RTN4RL1: variants seen among roughly 807,000 people sequenced by gnomAD.
The protein encoded by RTN4RL1 is reticulon-4 receptor-like 1.
Under a neutral mutation model 25.6 loss-of-function variants are expected in RTN4RL1, and 7 were observed. The observed-to-expected ratio is 0.27, with a 90% CI of 0.16 to 0.51. The LOEUF is 0.51. Among genes scored for constraint, RTN4RL1 ranks in the 20% least tolerant of loss-of-function variants. The pLI, the probability that RTN4RL1 is intolerant of heterozygous loss-of-function variation, is 0.97. For missense variants in RTN4RL1, 500 were observed against 615.6 expected (o/e 0.81, Z 1.99); for synonymous variants, 297 against 288.2 (o/e 1.03, Z -0.31).
At chr17:1,956,583 T>A (rs189123304) in intron 1 of RTN4RL1, among the ~76,000 whole-genome samples, 11 of 152,272 alleles carry the variant, frequency 7.2e-5, no homozygotes, top group Non-Finnish European at 1.5e-4. Context: ...ATGGACAGAC[T>A]GTAATTTATT....
intron 1 of RTN4RL1, among the ~76,000 whole-genome samples, chr17:2,015,646 T>G (rs2067111048): frequency 6.6e-6 from 1 of 152,032 alleles, no homozygotes; most frequent in African/African-American, 2.4e-5. Context: ...TCTGTCGGGT[T>G]TAGTGTCAAG....
chr17:1,969,411 A>G (rs1335234911), intron 1 of RTN4RL1, among the ~76,000 whole-genome samples: 3 of 152,124 alleles, frequency 2.0e-5, no homozygotes, highest in Non-Finnish European at 4.4e-5. Flanking sequence ...CCTCTGCAAC[A>G]GTCTGCCCAG....
At chr17:1,957,759 G>T (rs1567509139) in intron 1 of RTN4RL1, among the ~76,000 whole-genome samples, 1 of 151,998 alleles carries the variant, frequency 6.6e-6, no homozygotes, top group Non-Finnish European at 1.5e-5. Flanking sequence ...CAGGAGAATC[G>T]CTTGAACCCA....
chr17:1,939,256 G>A (rs945000692), intron 1 of RTN4RL1, among the ~76,000 whole-genome samples: 4 of 151,882 alleles, frequency 2.6e-5, no homozygotes, highest in Non-Finnish European at 5.9e-5. Context: ...GGGAGGCTGA[G>A]GCAGGAGAAT....
chr17:2,007,741 C>T (rs771995924), intron 1 of RTN4RL1, among the ~76,000 whole-genome samples: 10 of 151,572 alleles, frequency 6.6e-5, no homozygotes, highest in Non-Finnish European at 1.2e-4. Context: ...GTCAGGAGTT[C>T]GAAACCAGCC....
At chr17:1,941,618 C>T (rs984232877) in intron 1 of RTN4RL1, among the ~76,000 whole-genome samples, 8 of 152,062 alleles carry the variant, frequency 5.3e-5, no homozygotes, top group Non-Finnish European at 7.4e-5. Flanking sequence ...GGGGGGGATC[C>T]GAGCCCGGGG....
At chr17:1,980,926 C>CAAAAAA (rs71723916) in intron 1 of RTN4RL1, among the ~76,000 whole-genome samples, 25 of 87,106 alleles carry the variant, frequency 2.9e-4, no homozygotes, top group African/African-American at 8.4e-4. Context: ...GATTCTATCT[C>CAAAAAA]AAAAAAAAAA....
intron 1 of RTN4RL1, among the ~76,000 whole-genome samples, chr17:2,011,530 G>A (rs553385772): frequency 6.6e-6 from 1 of 152,302 alleles, no homozygotes; most frequent in South Asian, 2.1e-4. Flanking sequence ...GGCTTTGGAT[G>A]TGGGGCAAGA....
At chr17:1,963,023 G>A (rs963268351) in intron 1 of RTN4RL1, among the ~76,000 whole-genome samples, 3 of 151,724 alleles carry the variant, frequency 2.0e-5, no homozygotes, top group African/African-American at 4.8e-5. Context: ...CTGCAACCTC[G>A]AACTCCTGGG....
chr17:2,008,751 G>A (rs1048598776), intron 1 of RTN4RL1, among the ~76,000 whole-genome samples: 1 of 152,028 alleles, frequency 6.6e-6, no homozygotes, highest in Non-Finnish European at 1.5e-5. Context: ...GGGTTGTCGC[G>A]TTGCTCTCCA....
chr17:1,951,743 G>A (rs1180082518), intron 1 of RTN4RL1, among the ~76,000 whole-genome samples: 5 of 152,120 alleles, frequency 3.3e-5, no homozygotes, highest in Admixed American at 6.5e-5. Flanking sequence ...GTGAGCCACC[G>A]CGCCCGGCCC....
intron 1 of RTN4RL1, among the ~76,000 whole-genome samples, chr17:1,939,387 TA>T (rs1309337283): frequency 1.3e-5 from 2 of 150,444 alleles, no homozygotes; most frequent in Non-Finnish European, 3.0e-5. Context: ...AATAAATAAA[TA>T]AATAAAATAC....
intron 1 of RTN4RL1, among the ~76,000 whole-genome samples, chr17:2,005,211 T>C (rs981273183): frequency 2.0e-5 from 3 of 151,990 alleles, no homozygotes; most frequent in Non-Finnish European, 4.4e-5. Context: ...CTCACTATGT[T>C]GTCCACGCTG....
Position 2,000,946 on chromosome 17 carries a change from G to C in RTN4RL1, c.13+23907C>G, listed in dbSNP as rs796354538. Among the ~76,000 whole-genome samples the C allele has an allele frequency of 3.3e-5, 5 of 152,188 alleles. No individual in the cohort carries two copies. The South Asian group carries it at 6.2e-4, about 19-fold the overall frequency. On this transcript the variant is annotated intron_variant, in intron 1 of 1. Transcript: ENST00000331238. ...TACTGCATGGAAACAGCTGTGGCTC[G>C]CAGGCCTTTGTGAGCTGTGGAGGGT... is the stretch of plus-strand genomic sequence containing the variant.
At chr17:1,981,489 G>A (rs1189676964) in intron 1 of RTN4RL1, among the ~76,000 whole-genome samples, 1 of 152,240 alleles carries the variant, frequency 6.6e-6, no homozygotes, top group Non-Finnish European at 1.5e-5. Context: ...GGACTGCTGG[G>A]CCTTCCCTCC....
Position 2,025,223 on chromosome 17 carries a change from T to G in RTN4RL1, c.-358A>C. 1 of 194,550 alleles carries G rather than the reference T, an allele frequency of 5.1e-6. No individual in the cohort carries two copies. The highest frequency in any genetic ancestry group is 1.0e-5 in the Non-Finnish European group (1 of 96,370). 12.1% of individuals were successfully genotyped at this position (194,550 alleles called of 1,614,324 possible). On this transcript the variant is annotated 5_prime_UTR_variant, in exon 1 of 2. Coordinates refer to ENST00000331238, the MANE Select transcript of RTN4RL1 (RefSeq NM_178568.4). The surrounding 1 kb of genome is among the most constrained non-coding windows in gnomAD (Gnocchi z 4.8). ...CCCTGGCCGGCCGGCCGCAGCCCCC[T>G]CCTCTCCGCCCCCTCGGACCACCGC...
At chr17:1,947,655 C>T (rs2054638347) in intron 1 of RTN4RL1, among the ~76,000 whole-genome samples, 2 of 152,208 alleles carry the variant, frequency 1.3e-5, no homozygotes, top group African/African-American at 4.8e-5. Context: ...GAATGCCGTG[C>T]TAATTAGGCC....
chr17:1,976,119 G>T (rs1239428060), intron 1 of RTN4RL1, among the ~76,000 whole-genome samples: 1 of 152,248 alleles, frequency 6.6e-6, no homozygotes, highest in Admixed American at 6.5e-5. Flanking sequence ...CAGCTCTGGA[G>T]TGAGAAAGGC....
chr17:1,992,205 A>G (rs2066912131), intron 1 of RTN4RL1, among the ~76,000 whole-genome samples: 1 of 152,032 alleles, frequency 6.6e-6, no homozygotes, highest in African/African-American at 2.4e-5. Context: ...TCTACTAAAA[A>G]TACAAAAAAT....
Sources: allele counts gnomAD v4.1 joint callset (sites outside exome capture counted in the v4.1 genomes callset), GRCh38; gene constraint gnomAD v4.1.1; non-coding constraint Gnocchi (gnomAD v3.1); transcripts MANE v1.5; gene names NCBI Gene and HGNC (gene_info 2026-07-23, HGNC 2026-07-21).